Variants in DENND1B observed in about 807,000 individuals in gnomAD.
The protein encoded by DENND1B is DENN domain containing 1B.
In DENND1B, 59 loss-of-function variants were observed where a neutral mutation model predicts 90.1. The observed-to-expected ratio is 0.65, with a 90% CI of 0.53 to 0.81. DENND1B has a LOEUF of 0.81. Ranked by LOEUF, DENND1B falls within the 40% of genes least tolerant of loss-of-function variation. The pLI, the probability that DENND1B is intolerant of heterozygous loss-of-function variation, is 0.00. For missense variants in DENND1B, 862 were observed against 912.6 expected (o/e 0.94, Z 0.71); for synonymous variants, 337 against 324.6 (o/e 1.04, Z -0.41).
At chr1:197,635,438 G>C (rs1017838980) in intron 10 of DENND1B, among the ~76,000 whole-genome samples, 8 of 152,082 alleles carry the variant, frequency 5.3e-5, no homozygotes, top group Non-Finnish European at 1.2e-4. Context: ...CCTGGCTCAA[G>C]CAATCCTCCC....
intron 10 of DENND1B, among the ~76,000 whole-genome samples, chr1:197,629,733 A>T (rs1679153363): frequency 6.6e-6 from 1 of 151,912 alleles, no homozygotes; most frequent in Non-Finnish European, 1.5e-5. Context: ...TTGTTCTGTG[A>T]AAAACACTGT....
intron 13 of DENND1B, among the ~76,000 whole-genome samples, chr1:197,601,850 T>C (rs560127542): frequency 6.6e-6 from 1 of 151,832 alleles, no homozygotes; most frequent in Non-Finnish European, 1.5e-5. Flanking sequence ...TTTTCTTTGT[T>C]CTAACATTTA....
chr1:197,696,541 G>A (rs1171388943), intron 3 of DENND1B, among the ~76,000 whole-genome samples: 2 of 151,376 alleles, frequency 1.3e-5, no homozygotes, highest in Admixed American at 6.6e-5. Context: ...AAATCTTCAT[G>A]CTACCTAACC....
At chr1:197,665,464 T>C (rs1025136771) in intron 5 of DENND1B, among the ~76,000 whole-genome samples, 3 of 152,288 alleles carry the variant, frequency 2.0e-5, no homozygotes, top group African/African-American at 7.2e-5. Context: ...TGCATACATG[T>C]CACTAAGCAG....
intron 3 of DENND1B, among the ~76,000 whole-genome samples, chr1:197,704,302 T>C (rs566412519): frequency 1.3e-5 from 2 of 152,276 alleles, no homozygotes; most frequent in Admixed American, 1.3e-4. Context: ...ATCTCTTTTT[T>C]CCCTCACACT....
chr1:197,636,046 G>A (rs1352897531), intron 10 of DENND1B, among the ~76,000 whole-genome samples: 1 of 151,606 alleles, frequency 6.6e-6, no homozygotes. Context: ...TGGACTATAA[G>A]TAATCGAAAA....
intron 20 of DENND1B, among the ~76,000 whole-genome samples, chr1:197,515,402 AAAAATACATTTCAT>A (rs1668325676): frequency 6.6e-6 from 1 of 151,692 alleles, no homozygotes; most frequent in East Asian, 1.9e-4. Context: ...TTTCTGTGGG[AAAAATACATTTCAT>A]GTACTCTCTC....
chr1:197,579,441 A>C (rs1034673075), intron 15 of DENND1B, among the ~76,000 whole-genome samples: 1 of 152,078 alleles, frequency 6.6e-6, no homozygotes. Flanking sequence ...TATTTAAATA[A>C]ATTTCCATTT....
At chr1:197,602,502 G>A (rs1440191705) in intron 13 of DENND1B, among the ~76,000 whole-genome samples, 1 of 151,476 alleles carries the variant, frequency 6.6e-6, no homozygotes, top group Admixed American at 6.6e-5. Flanking sequence ...AAATTTGTTA[G>A]GGACTTCATT....
intron 3 of DENND1B, among the ~76,000 whole-genome samples, chr1:197,696,105 A>G (rs2102123037): frequency 6.6e-6 from 1 of 151,574 alleles, no homozygotes; most frequent in South Asian, 2.1e-4. Context: ...ATTATTAAAT[A>G]TAAAAACAAA....
intron 3 of DENND1B, among the ~76,000 whole-genome samples, chr1:197,676,916 T>C (rs990535514): frequency 1.3e-5 from 2 of 152,070 alleles, no homozygotes; most frequent in Admixed American, 1.3e-4. Flanking sequence ...GTTAGAGTGG[T>C]ATATTAATTA....
chr1:197,559,562 C>A (rs1383676710), intron 15 of DENND1B, among the ~76,000 whole-genome samples: 3 of 151,786 alleles, frequency 2.0e-5, no homozygotes, highest in Non-Finnish European at 4.4e-5. Context: ...TAAGAGGTAA[C>A]TAATAGATTC....
At chr1:197,719,842 C>T (rs1660991710) in intron 2 of DENND1B, among the ~76,000 whole-genome samples, 2 of 152,078 alleles carry the variant, frequency 1.3e-5, no homozygotes, top group African/African-American at 4.8e-5. Context: ...CCAAATGATA[C>T]AAATGTATTT....
chr1:197,563,034 G>C (rs780340288), intron 15 of DENND1B, among the ~76,000 whole-genome samples: 2 of 151,936 alleles, frequency 1.3e-5, no homozygotes, highest in African/African-American at 4.8e-5. Context: ...AAAGCTGTAG[G>C]AGAAAATTAT....
chr1:197,542,289 TAGAAAAA>T (rs1240475228), intron 18 of DENND1B, among the ~76,000 whole-genome samples: 3 of 152,068 alleles, frequency 2.0e-5, no homozygotes, highest in African/African-American at 7.2e-5. Context: ...CCTATCAGCA[TAGAAAAA>T]CATATGCATG....
chr1:197,721,210 C>T (rs1357006948), intron 2 of DENND1B, among the ~76,000 whole-genome samples: 1 of 151,784 alleles, frequency 6.6e-6, no homozygotes, highest in Non-Finnish European at 1.5e-5. Context: ...GCTGGGACTA[C>T]AGGCACCCAC....
In DENND1B at chr1:197,728,438, T is replaced by A. The variant is rs149519896; in HGVS notation, c.83-13364A>T. Among the ~76,000 whole-genome samples, 359 of 152,264 alleles carry A rather than the reference T, an allele frequency of 2.4e-3. 3 individuals are homozygous for A. The highest frequency in any genetic ancestry group is 8.2e-3 in the African/African-American group (340 of 41,550). On this transcript the variant is annotated intron_variant, in intron 2 of 22. Coordinates refer to ENST00000620048, the MANE Select transcript of DENND1B (RefSeq NM_001195215.2). ...AAAAATTCTATATCTCAAATTCAATTTTCCCAATGACTTGATTACAACATC... is the reference window on the plus strand; with the variant it reads ...AAAAATTCTATATCTCAAATTCAATATTCCCAATGACTTGATTACAACATC...
intron 2 of DENND1B, among the ~76,000 whole-genome samples, chr1:197,764,826 C>T (rs1198118917): frequency 6.6e-6 from 1 of 152,130 alleles, no homozygotes; most frequent in Non-Finnish European, 1.5e-5. Context: ...TTAAGTAACA[C>T]CGGTGTACTT....
chr1:197,740,131 A>C (rs1285458906), intron 2 of DENND1B, among the ~76,000 whole-genome samples: 1 of 152,168 alleles, frequency 6.6e-6, no homozygotes, highest in Non-Finnish European at 1.5e-5. Context: ...TTAAAGTGAG[A>C]CTCACTGACA....
Sources: allele counts gnomAD v4.1 joint callset (sites outside exome capture counted in the v4.1 genomes callset), GRCh38; gene constraint gnomAD v4.1.1; transcripts MANE v1.5; gene names NCBI Gene and HGNC (gene_info 2026-07-23, HGNC 2026-07-21).